DLGAP2: variants seen among roughly 807,000 people sequenced by gnomAD.
The protein encoded by DLGAP2 is DLG associated protein 2.
A neutral mutation model predicts 100.3 loss-of-function variants in DLGAP2; 26 were observed. The observed-to-expected ratio is 0.26, with a 90% CI of 0.19 to 0.36. The LOEUF (loss-of-function observed/expected upper bound fraction) is 0.36. Among genes scored for constraint, DLGAP2 ranks in the 10% least tolerant of loss-of-function variants. DLGAP2 has a pLI of 1.00. For missense variants in DLGAP2, 1,858 were observed against 1,453.2 expected (o/e 1.28, Z -4.53); for synonymous variants, 886 against 630.1 (o/e 1.41, Z -6.08).
intron 1 of DLGAP2, among the ~76,000 whole-genome samples, chr8:854,252 G>C (rs889063806): frequency 6.6e-6 from 1 of 152,164 alleles, no homozygotes; most frequent in African/African-American, 2.4e-5. Context: ...TGCGGGGTTA[G>C]TGGGGCTTGT....
At chr8:1,480,892 G>T (rs1226972833) in intron 3 of DLGAP2, among the ~76,000 whole-genome samples, 2 of 150,732 alleles carry the variant, frequency 1.3e-5, no homozygotes, top group East Asian at 3.9e-4. Flanking sequence ...AAAAGAAAAG[G>T]CTGGGAAGGG....
At chr8:978,671 T>C (rs952338482) in intron 2 of DLGAP2, among the ~76,000 whole-genome samples, 27 of 136,640 alleles carry the variant, frequency 2.0e-4, no homozygotes, top group African/African-American at 6.5e-4. Context: ...TCTTTGGTGT[T>C]GTGGGGAGGG....
At chr8:1,564,420 A>G (rs1056482690) in intron 5 of DLGAP2, among the ~76,000 whole-genome samples, 2 of 152,212 alleles carry the variant, frequency 1.3e-5, no homozygotes, top group African/African-American at 4.8e-5. Context: ...GCAAACACAC[A>G]GCAGGCAGCC....
chr8:1,156,626 A>G (rs867393125), intron 2 of DLGAP2, among the ~76,000 whole-genome samples: 3 of 136,596 alleles, frequency 2.2e-5, no homozygotes, highest in African/African-American at 6.1e-5. Context: ...CCAGCGCCCC[A>G]GCCCAGCGCC....
chr8:1,094,217 C>T lies in DLGAP2; in HGVS notation c.74-164634C>T, dbSNP rs192077403. On this transcript the variant is annotated intron_variant, in intron 2 of 14. Transcript: ENST00000637795. ...AACTGGGACTGGCTGAGACTTTGGACGGTAGAGCTGGGAGGTTGAGCATTT... is the reference window on the plus strand; with the variant it reads ...AACTGGGACTGGCTGAGACTTTGGATGGTAGAGCTGGGAGGTTGAGCATTT... Among the ~76,000 whole-genome samples, 101 of 152,302 alleles carry T rather than the reference C, an allele frequency of 6.6e-4. 1 individual carries two copies. Among genetic ancestry groups the T allele is most frequent in the Admixed American group, 5.6e-3 (86 of 15,298 alleles).
chr8:1,066,722 C>T (rs181034609), intron 2 of DLGAP2, among the ~76,000 whole-genome samples: 23 of 152,356 alleles, frequency 1.5e-4, no homozygotes, highest in African/African-American at 5.0e-4. Flanking sequence ...AGCTCCACCA[C>T]GACTGGCCTG....
chr8:1,504,408 A>C (rs907164947), intron 4 of DLGAP2, among the ~76,000 whole-genome samples: 1 of 152,200 alleles, frequency 6.6e-6, no homozygotes, highest in Non-Finnish European at 1.5e-5. Flanking sequence ...TGTGCTTTTA[A>C]GAACATTTAA....
intron 1 of DLGAP2, among the ~76,000 whole-genome samples, chr8:854,244 C>T (rs758555070): frequency 6.6e-5 from 10 of 152,110 alleles, no homozygotes; most frequent in Admixed American, 2.0e-4. Flanking sequence ...CAGCGCATTG[C>T]GGGGTTAGTG....
chr8:1,374,734 A>G (rs979435422), intron 3 of DLGAP2, among the ~76,000 whole-genome samples: 1 of 152,200 alleles, frequency 6.6e-6, no homozygotes, highest in Non-Finnish European at 1.5e-5. Context: ...ATCAAAATGC[A>G]TAAAGTGGAG....
chr8:1,345,311 G>A (rs1164949595), intron 3 of DLGAP2, among the ~76,000 whole-genome samples: 1 of 152,142 alleles, frequency 6.6e-6, no homozygotes, highest in East Asian at 1.9e-4. Context: ...AGAGCAGAGT[G>A]TGCGGTTGTT....
chr8:1,428,890 C>T (rs187864629), intron 3 of DLGAP2, among the ~76,000 whole-genome samples: 1 of 152,336 alleles, frequency 6.6e-6, no homozygotes, highest in African/African-American at 2.4e-5. Context: ...ATGCACAGGA[C>T]GTCGTCTCAT....
chr8:1,255,639 C>T (rs1253776617), intron 2 of DLGAP2, among the ~76,000 whole-genome samples: 1 of 135,028 alleles, frequency 7.4e-6, no homozygotes, highest in African/African-American at 3.0e-5. Context: ...TGTGTGTCCT[C>T]ATCCTGCCCG....
At chr8:1,041,314 C>T (rs1250826187) in intron 2 of DLGAP2, among the ~76,000 whole-genome samples, 2 of 152,132 alleles carry the variant, frequency 1.3e-5, no homozygotes, top group African/African-American at 2.4e-5. Flanking sequence ...TCGCCCCTCG[C>T]AGCTACTCTC....
chr8:1,186,209 C>T (rs530002584), intron 2 of DLGAP2, among the ~76,000 whole-genome samples: 4 of 152,234 alleles, frequency 2.6e-5, no homozygotes, highest in Admixed American at 6.5e-5. Context: ...CCGAGGGCAG[C>T]GCTGCAGTCT....
At chr8:997,675 A>G (rs1425974313) in intron 2 of DLGAP2, among the ~76,000 whole-genome samples, 1 of 152,244 alleles carries the variant, frequency 6.6e-6, no homozygotes, top group African/African-American at 2.4e-5. Flanking sequence ...TCATCCCAGT[A>G]AACATAATTC....
At chr8:1,604,338 T>A (rs1796724827) in intron 6 of DLGAP2, among the ~76,000 whole-genome samples, 1 of 152,180 alleles carries the variant, frequency 6.6e-6, no homozygotes, top group Admixed American at 6.5e-5. Context: ...ATGGACAAAA[T>A]TCAGATTCTC....
At chr8:896,580 G>A (rs1584871407) in intron 1 of DLGAP2, among the ~76,000 whole-genome samples, 2 of 152,248 alleles carry the variant, frequency 1.3e-5, no homozygotes, top group African/African-American at 4.8e-5. Context: ...TGGGGCCCTG[G>A]GGGGCGATGA....
intron 6 of DLGAP2, among the ~76,000 whole-genome samples, chr8:1,617,237 A>G (rs749841476): frequency 1.1e-4 from 17 of 152,312 alleles, no homozygotes; most frequent in South Asian, 6.2e-4. Context: ...CTTTGTGTGT[A>G]TACACAATAA....
At chr8:1,339,573 G>C (rs1801372389) in intron 3 of DLGAP2, among the ~76,000 whole-genome samples, 1 of 152,230 alleles carries the variant, frequency 6.6e-6, no homozygotes, top group South Asian at 2.1e-4. Flanking sequence ...GTATTTCTCA[G>C]TGTATTATTT....
Sources: allele counts gnomAD v4.1 joint callset (sites outside exome capture counted in the v4.1 genomes callset), GRCh38; gene constraint gnomAD v4.1.1; transcripts MANE v1.5; gene names NCBI Gene and HGNC (gene_info 2026-07-23, HGNC 2026-07-21).